NEK10: variants seen among roughly 807,000 people sequenced by gnomAD.
The protein encoded by NEK10 is serine/threonine-protein kinase Nek10.
A neutral mutation model predicts 159.8 loss-of-function variants in NEK10; 122 were observed. That is an observed-to-expected ratio of 0.76 (90% CI 0.66 to 0.89). The LOEUF is 0.89. Ranked by LOEUF, NEK10 falls within the 40% of genes least tolerant of loss-of-function variation. NEK10 has a pLI of 0.00. For synonymous variants in NEK10, 466 were observed against 457.1 expected, an observed-to-expected ratio of 1.02 and a Z score of -0.25; for missense variants, 1,342 against 1,323.1, an observed-to-expected ratio of 1.01 and a Z score of -0.22.
chr3:27,235,742 C>T (rs1024199959), intron 23 of NEK10, among the ~76,000 whole-genome samples: 1 of 152,046 alleles, frequency 6.6e-6, no homozygotes, highest in African/African-American at 2.4e-5. Flanking sequence ...TCCATTCGAC[C>T]CAGCAATTCC....
intron 1 of NEK10, among the ~76,000 whole-genome samples, chr3:27,368,800 G>A (rs546599080): frequency 6.6e-6 from 1 of 152,222 alleles, no homozygotes; most frequent in African/African-American, 2.4e-5. Flanking sequence ...AGGGCTCACC[G>A]AAGTAGGGCA....
intron 23 of NEK10, among the ~76,000 whole-genome samples, chr3:27,214,549 C>CTTTTT (rs370417315): frequency 1.4e-5 from 2 of 141,566 alleles, no homozygotes; most frequent in Non-Finnish European, 3.1e-5. Flanking sequence ...TACTTTCTTT[C>CTTTTT]TTTTTTTTGT....
intron 30 of NEK10, chr3:27,143,434 T>C (rs563971110): frequency 2.6e-6 from 2 of 760,646 alleles, no homozygotes; most frequent in African/African-American, 1.7e-5. Context: ...ATCACATAGG[T>C]TTGACTCTAC....
intron 23 of NEK10, among the ~76,000 whole-genome samples, chr3:27,239,718 C>T (rs766297010): frequency 2.0e-5 from 3 of 151,928 alleles, no homozygotes; most frequent in Admixed American, 6.6e-5. Context: ...GAATGAGCAA[C>T]GAAATTTAGG....
chr3:27,314,013 C>A (rs1217393159), intron 7 of NEK10, among the ~76,000 whole-genome samples: 1 of 152,074 alleles, frequency 6.6e-6, no homozygotes, highest in Non-Finnish European at 1.5e-5. Context: ...CACCTGGCTG[C>A]CTATTTCTTA....
intron 23 of NEK10, chr3:27,206,788 T>A (rs550345140): frequency 9.7e-5 from 20 of 206,388 alleles, no homozygotes; most frequent in Non-Finnish European, 1.7e-4. Flanking sequence ...AAGTCAACAA[T>A]GTTTATTTTC....
At chr3:27,247,699 C>T (rs1955211619) in intron 23 of NEK10, among the ~76,000 whole-genome samples, 1 of 152,004 alleles carries the variant, frequency 6.6e-6, no homozygotes. Flanking sequence ...CCATGCCTGG[C>T]TAATATTTTG....
chr3:27,285,024 T>C (rs1180132239), intron 20 of NEK10, 63 bp from the exon 21 acceptor site: 1 of 1,325,440 alleles, frequency 7.5e-7, no homozygotes, highest in African/African-American at 1.5e-5. Context: ...TGAAAAACTT[T>C]ACGAATGAGA....
intron 30 of NEK10, among the ~76,000 whole-genome samples, chr3:27,144,032 G>A (rs1254994410): frequency 6.6e-6 from 1 of 152,216 alleles, no homozygotes; most frequent in African/African-American, 2.4e-5. Context: ...CCAAGCATTT[G>A]AAAGCTACTA....
At chr3:27,238,134 G>T (rs181658145) in intron 23 of NEK10, among the ~76,000 whole-genome samples, 1 of 152,110 alleles carries the variant, frequency 6.6e-6, no homozygotes, top group Non-Finnish European at 1.5e-5. Context: ...CCAAGAATAC[G>T]TGCCCTGTGT....
chr3:27,290,722 T>C lies in NEK10; in HGVS notation c.1638A>G (p.Ala546=), dbSNP rs1559440398. The C allele has an allele frequency of 6.2e-7, 1 of 1,609,010 alleles. No individual in the cohort carries two copies. The highest frequency in any genetic ancestry group is 8.5e-7 in the Non-Finnish European group (1 of 1,176,662). ...GGTTATGTAAATTGACCTCTTTCAT[T>C]GCTAAAAGATTTTGACCACTATGCT... is the stretch of plus-strand genomic sequence containing the variant. ...VRKHSGQNLL[A]MKEVNLHNPA... Residue 546 remains alanine (A), a synonymous_variant, in exon 19 of 36, where the codon GCA becomes GCG. Coordinates refer to ENST00000691995, the MANE Select transcript of NEK10 (RefSeq NM_001394966.1).
At chr3:27,267,776 T>C (rs1246620386) in intron 22 of NEK10, among the ~76,000 whole-genome samples, 1 of 152,180 alleles carries the variant, frequency 6.6e-6, no homozygotes, top group Non-Finnish European at 1.5e-5. Context: ...CTCCAATCAT[T>C]CAAGTGAAAG....
chr3:27,258,753 C>T (rs1400745801), intron 22 of NEK10, among the ~76,000 whole-genome samples: 2 of 152,200 alleles, frequency 1.3e-5, no homozygotes, highest in Admixed American at 6.5e-5. Context: ...ATGGCTGGGT[C>T]AAATGCTATT....
chr3:27,327,221 C>A (rs1231358955), intron 5 of NEK10, among the ~76,000 whole-genome samples: 2 of 152,140 alleles, frequency 1.3e-5, no homozygotes, highest in African/African-American at 2.4e-5. Flanking sequence ...AGTGACTCTG[C>A]AGATATGTTT....
intron 23 of NEK10, among the ~76,000 whole-genome samples, chr3:27,209,064 G>T (rs1014247100): frequency 6.6e-6 from 1 of 152,180 alleles, no homozygotes; most frequent in Admixed American, 6.6e-5. Context: ...TTGAGAGCCT[G>T]CCTGCTTTTG....
At chr3:27,189,880 T>C (rs1316709839) in intron 26 of NEK10, among the ~76,000 whole-genome samples, 1 of 152,136 alleles carries the variant, frequency 6.6e-6, no homozygotes, top group Non-Finnish European at 1.5e-5. Context: ...CATTTCTCTA[T>C]GGTCCATAAA....
intron 33 of NEK10, among the ~76,000 whole-genome samples, chr3:27,117,135 T>A (rs1194818159): frequency 2.6e-5 from 4 of 152,192 alleles, no homozygotes; most frequent in African/African-American, 9.7e-5. Flanking sequence ...GCTCCATCCA[T>A]GTCCCTGCAA....
rs141505128 is a variant in NEK10, at chr3:27,322,219, C to A, written c.405G>T (p.Val135=). 3,059 of 1,568,404 alleles carry A rather than the reference C, an allele frequency of 2.0e-3. 13 individuals carry two copies. Among genetic ancestry groups the A allele is most frequent in the South Asian group, 4.2e-3 (356 of 85,426 alleles). The part of the protein sequence containing the change: ...NRAPSIHFLR[V]LICLRLLMRD... ...TCATTAGTAGCCTCAGACAGATTAA[C>A]ACTCTCAGAAAATGAATAGATGGGG... is the stretch of plus-strand genomic sequence containing the variant. The change falls in exon 6 of 36, where the codon GTG becomes GTT. Residue 135 remains valine, a synonymous_variant. Coordinates refer to ENST00000691995, the MANE Select transcript of NEK10 (RefSeq NM_001394966.1).
intron 25 of NEK10, among the ~76,000 whole-genome samples, chr3:27,192,864 GC>G (rs1376289920): frequency 6.6e-6 from 1 of 152,102 alleles, no homozygotes; most frequent in African/African-American, 2.4e-5. Context: ...TCCTGTATTT[GC>G]CATCACTGGA....
Sources: gnomAD v4.1 joint callset for allele counts (sites outside exome capture counted in the v4.1 genomes callset) on GRCh38, gnomAD v4.1.1 for gene constraint, MANE v1.5 for transcripts, NCBI Gene and HGNC (gene_info 2026-07-23, HGNC 2026-07-21) for gene names.